Variants in DERL1 observed in about 807,000 individuals in gnomAD.
DERL1 encodes derlin 1, also known as derlin-1.
DERL1 carries 24 observed loss-of-function variants against 41.6 expected under a neutral mutation model. The observed-to-expected ratio is 0.58, with a 90% CI of 0.42 to 0.81. The LOEUF is 0.81. DERL1 is among the 30% of genes least tolerant of loss of function. The pLI is 0.00. For missense variants in DERL1, 260 were observed against 314.3 expected (o/e 0.83, Z 1.31); for synonymous variants, 124 against 112.5 (o/e 1.10, Z -0.65).
chr8:123,014,394 T>A lies in DERL1; in HGVS notation c.*1053A>T, dbSNP rs536329068. On this transcript the variant is annotated 3_prime_UTR_variant, in exon 8 of 8. Transcript: ENST00000259512. ...CGTGCAGAGAGGAGCTGCGCCTTCC[T>A]CACAATTAATTGAAACATGACCAAA... 18 of 152,762 alleles carry A rather than the reference T, an allele frequency of 1.2e-4. No individual in the cohort carries two copies. The highest frequency in any genetic ancestry group is 4.1e-4 in the African/African-American group (17 of 41,556). 9.5% of individuals were successfully genotyped at this position (152,762 alleles called of 1,614,324 possible).
chr8:123,017,251 C>T (rs913967290), intron 7 of DERL1: 2 of 152,182 alleles, frequency 1.3e-5, no homozygotes, highest in African/African-American at 4.8e-5. Context: ...AGCAGTTATA[C>T]CTTCCTATAC....
chr8:123,020,492 A>C (rs902467223), intron 6 of DERL1, among the ~76,000 whole-genome samples: 1 of 151,946 alleles, frequency 6.6e-6, no homozygotes, highest in African/African-American at 2.4e-5. Context: ...AAAAATAAAT[A>C]AGTAAATAAA....
chr8:123,040,776 A>G (rs576736606), intron 1 of DERL1, among the ~76,000 whole-genome samples: 1 of 152,344 alleles, frequency 6.6e-6, no homozygotes, highest in South Asian at 2.1e-4. Context: ...TGAGAAAAAC[A>G]AGAAAAATAA....
chr8:123,029,088 T>C (rs1812766900), intron 2 of DERL1, among the ~76,000 whole-genome samples: 1 of 151,970 alleles, frequency 6.6e-6, no homozygotes, highest in Admixed American at 6.6e-5. Context: ...AAAATTACTC[T>C]AACAAATTAA....
intron 1 of DERL1, among the ~76,000 whole-genome samples, chr8:123,033,777 C>T (rs1812867468): frequency 6.6e-6 from 1 of 152,162 alleles, no homozygotes; most frequent in Admixed American, 6.5e-5. Context: ...TTGGGCTTTC[C>T]AAGCATACAA....
intron 2 of DERL1, 119 bp from the exon 3 acceptor site, chr8:123,025,169 A>T: frequency 9.9e-7 from 1 of 1,013,622 alleles, no homozygotes; most frequent in Non-Finnish European, 1.4e-6. Context: ...TTTAAAAACC[A>T]CTCCTCTCTA....
At position 123,015,281 on chromosome 8, in the gene DERL1, G is replaced by C; in HGVS notation, c.*166C>G. 1 of 945,128 alleles carries C rather than the reference G, an allele frequency of 1.1e-6. No homozygotes were observed. The highest frequency in any genetic ancestry group is 3.4e-4 in the Middle Eastern group (1 of 2,914). The allele number at this position is 945,128 out of a possible 1,614,324, so 58.5% of individuals were successfully genotyped here. A position where few individuals can be genotyped will look rare whatever the true frequency, so the allele number is the denominator to read the frequency against. ...TTGAATGAGAATCGTGAAACTTGTG[G>C]AACACTTATATTTTTCTTCGGGATT... On this transcript the variant is annotated 3_prime_UTR_variant, in exon 8 of 8. Coordinates refer to ENST00000259512, the MANE Select transcript of DERL1 (RefSeq NM_024295.6).
chr8:123,029,465 T>C lies in DERL1; in HGVS notation c.265+1140A>G, dbSNP rs550407837. 6.7e-4 allele frequency among the ~76,000 whole-genome samples: 102 copies of C among 152,312 alleles called. No homozygotes were observed. The Middle Eastern group carries it at 0.01, about 15-fold the overall frequency. On this transcript the variant is annotated intron_variant, in intron 2 of 7. Coordinates refer to ENST00000259512, the MANE Select transcript of DERL1 (RefSeq NM_024295.6). ...TCAAATACCCATCCTACTATTTCCC[T>C]GCAGTGATGAGACTGATTCGCAATT...
chr8:123,030,057 C>A (rs1586466261), intron 2 of DERL1, among the ~76,000 whole-genome samples: 1 of 151,540 alleles, frequency 6.6e-6, no homozygotes, highest in Admixed American at 6.6e-5. Context: ...AAGATTGTCT[C>A]AAAAAATAAA....
intron 4 of DERL1, among the ~76,000 whole-genome samples, chr8:123,022,981 ATAT>A (rs1283307285): frequency 1.3e-5 from 2 of 152,220 alleles, no homozygotes; most frequent in African/African-American, 4.8e-5. Context: ...CAACAAAACT[ATAT>A]TATTTTAGAT....
At chr8:123,035,577 CGT>C (rs1360758384) in intron 1 of DERL1, among the ~76,000 whole-genome samples, 1 of 152,126 alleles carries the variant, frequency 6.6e-6, no homozygotes, top group Admixed American at 6.5e-5. Context: ...TGAGAGGACT[CGT>C]GGGGGAGTAT....
rs138865604 is a variant in DERL1 at position 123,032,307 on chromosome 8, A to C, written c.154-1591T>G. Among the ~76,000 whole-genome samples the C allele has an allele frequency of 2.0e-5, 3 of 151,844 alleles. No individual in the cohort carries two copies. The East Asian group carries it at 5.8e-4, about 29-fold the overall frequency. ...GCACCACCACACCTGGCTAATTTTT[A>C]TATTTTTTGTAGATACAGGGTCTCC... On this transcript the variant is annotated intron_variant, in intron 1 of 7. Transcript: ENST00000259512.
chr8:123,022,091 AG>A (rs1812560697), intron 5 of DERL1, among the ~76,000 whole-genome samples: 1 of 152,222 alleles, frequency 6.6e-6, no homozygotes, highest in South Asian at 2.1e-4. Context: ...TAGGAAAGAG[AG>A]GGTTATACTC....
chr8:123,029,915 C>A (rs1812784870), intron 2 of DERL1, among the ~76,000 whole-genome samples: 1 of 151,916 alleles, frequency 6.6e-6, no homozygotes. Flanking sequence ...TAAAAATTAG[C>A]CGGGTATGGT....
intron 1 of DERL1, among the ~76,000 whole-genome samples, chr8:123,035,390 A>G (rs1246130058): frequency 2.0e-5 from 3 of 152,220 alleles, no homozygotes; most frequent in Admixed American, 6.5e-5. Flanking sequence ...TAAGTATCCA[A>G]CTAAATCCCA....
intron 6 of DERL1, 134 bp from the exon 7 acceptor site, chr8:123,019,439 G>A (rs1247488935): frequency 9.3e-6 from 6 of 642,880 alleles, no homozygotes; most frequent in Non-Finnish European, 1.6e-5. Context: ...CTGACAATGA[G>A]CACTTTTGTA....
At chr8:123,020,054 G>A (rs1814718589) in intron 6 of DERL1, among the ~76,000 whole-genome samples, 1 of 152,210 alleles carries the variant, frequency 6.6e-6, no homozygotes, top group African/African-American at 2.4e-5. Flanking sequence ...TAAACAGTCT[G>A]CTCCATCCAT....
intron 6 of DERL1, among the ~76,000 whole-genome samples, chr8:123,021,037 T>C (rs1396553368): frequency 1.3e-5 from 2 of 151,976 alleles, no homozygotes; most frequent in Admixed American, 1.3e-4. Flanking sequence ...AGAATCTGGA[T>C]TTCTATGACC....
intron 2 of DERL1, 70 bp downstream of exon 2, chr8:123,030,535 C>A: frequency 8.7e-7 from 1 of 1,154,714 alleles, no homozygotes; most frequent in Non-Finnish European, 1.2e-6. Flanking sequence ...CCTCCAAATT[C>A]CTCCAAAGTA....
Sources: allele counts gnomAD v4.1 joint callset (sites outside exome capture counted in the v4.1 genomes callset), GRCh38; gene constraint gnomAD v4.1.1; transcripts MANE v1.5; gene names NCBI Gene and HGNC (gene_info 2026-07-23, HGNC 2026-07-21).